Variants in SLAIN1 observed in about 807,000 individuals in gnomAD.
The protein encoded by SLAIN1 is SLAIN motif-containing protein 1.
Under a neutral mutation model 55.4 loss-of-function variants are expected in SLAIN1, and 17 were observed. That is an observed-to-expected ratio of 0.31 (90% CI 0.21 to 0.46). The LOEUF (loss-of-function observed/expected upper bound fraction) is 0.46. Ranked by LOEUF, SLAIN1 falls within the 20% of genes least tolerant of loss-of-function variation. SLAIN1 has a pLI of 1.00. For missense variants in SLAIN1, 682 were observed against 785.1 expected (o/e 0.87, Z 1.57); for synonymous variants, 348 against 337.4 (o/e 1.03, Z -0.35).
intron 5 of SLAIN1, among the ~76,000 whole-genome samples, chr13:77,757,593 C>T (rs1406411249): frequency 2.0e-5 from 3 of 152,044 alleles, no homozygotes; most frequent in Admixed American, 1.3e-4. Context: ...CCCTCCCAGA[C>T]TTCCCCACAA....
At chr13:77,736,079 T>C (rs1873102454) in intron 2 of SLAIN1, among the ~76,000 whole-genome samples, 1 of 152,062 alleles carries the variant, frequency 6.6e-6, no homozygotes, top group South Asian at 2.1e-4. Flanking sequence ...CAATCTCAGC[T>C]CTTGTGTTGA....
chr13:77,703,198 AC>A (rs1211098624), intron 1 of SLAIN1, among the ~76,000 whole-genome samples: 1 of 152,172 alleles, frequency 6.6e-6, no homozygotes, highest in African/African-American at 2.4e-5. Flanking sequence ...ACTGGGAAAG[AC>A]AATGGAAAAG....
At chr13:77,741,791 T>A (rs1873463918) in intron 2 of SLAIN1, among the ~76,000 whole-genome samples, 1 of 151,802 alleles carries the variant, frequency 6.6e-6, no homozygotes. Flanking sequence ...AAAGCACTTT[T>A]CAGCTGTCTG....
chr13:77,743,208 A>T (rs1354102664), intron 2 of SLAIN1: 30 of 1,268,092 alleles, frequency 2.4e-5, no homozygotes, highest in Non-Finnish European at 3.0e-5. Flanking sequence ...TTTGTAATTC[A>T]GTTACTAAAC....
intron 1 of SLAIN1, among the ~76,000 whole-genome samples, chr13:77,714,648 C>T (rs551876403): frequency 6.6e-6 from 1 of 152,172 alleles, no homozygotes; most frequent in East Asian, 1.9e-4. Context: ...GCAGTGATTC[C>T]TTATCTTGTG....
chr13:77,726,165 G>T (rs2091305764), intron 2 of SLAIN1, among the ~76,000 whole-genome samples: 2 of 151,236 alleles, frequency 1.3e-5, no homozygotes, highest in South Asian at 4.2e-4. Flanking sequence ...TCTGCAGAAA[G>T]TTTTTTTTTC....
chr13:77,749,917 T>G (rs933239798), intron 4 of SLAIN1, among the ~76,000 whole-genome samples: 2 of 152,150 alleles, frequency 1.3e-5, no homozygotes, highest in African/African-American at 2.4e-5. Flanking sequence ...AAAGATTGGT[T>G]TTAAAGACTA....
chr13:77,717,171 A>G (rs1442897220), intron 1 of SLAIN1, among the ~76,000 whole-genome samples: 3 of 152,160 alleles, frequency 2.0e-5, no homozygotes, highest in Admixed American at 2.0e-4. Context: ...TATTTCTGAT[A>G]TAAACCCCAC....
intron 2 of SLAIN1, among the ~76,000 whole-genome samples, chr13:77,731,161 A>G (rs1001207114): frequency 6.6e-6 from 1 of 152,100 alleles, no homozygotes; most frequent in African/African-American, 2.4e-5. Context: ...AAGATAGATG[A>G]AAAAAAGCCA....
Position 77,698,403 on chromosome 13 carries a change from C to A in SLAIN1, c.490C>A (p.Pro164Thr). 1 of 1,407,460 alleles carries A rather than the reference C, an allele frequency of 7.1e-7. No homozygotes were observed. 87.2% of individuals were successfully genotyped at this position (1,407,460 alleles called of 1,614,324 possible). A position where few individuals can be genotyped will look rare whatever the true frequency, so the allele number is the denominator to read the frequency against. The change falls in exon 1 of 7, where the codon CCG becomes ACG. Residue 164 changes from proline (P) to threonine (T), a missense_variant. By Grantham distance (38) the Pro-to-Thr change is conservative. This residue lies in a region of SLAIN1 where 401 missense variants were observed against 417.3 expected (regional missense o/e 0.96). Transcript: ENST00000418532. The surrounding 1 kb of genome is among the most constrained non-coding windows in gnomAD (Gnocchi z 4.1). The stretch of plus-strand genomic sequence containing the variant: ...CTTCTTCGGCGCGGGCGGTGGCGGG[C>A]CGGAGCCGGGGGGCGCGGGGACGCC... ...AGFFGAGGGG[P>T]EPGGAGTPPG... is the part of the protein sequence containing the mutation.
rs2090990177 is a variant in SLAIN1 at position 77,697,949 on chromosome 13, G to A, written c.36G>A (p.Gly12=). 4 of 1,440,276 alleles carry A rather than the reference G, an allele frequency of 2.8e-6. No individual in the cohort carries two copies. The highest frequency in any genetic ancestry group is 1.5e-5 in the African/African-American group (1 of 66,746). 89.2% of individuals were successfully genotyped at this position (1,440,276 alleles called of 1,614,324 possible). A position where few individuals can be genotyped will look rare whatever the true frequency, so the allele number is the denominator to read the frequency against. The stretch of plus-strand genomic sequence containing the variant: ...AGCAGGTGAAATGCGCCTCGGCAGG[G>A]GTCAGCTCTGGAGCGGGCTCCGGGC... ...MAEQVKCASA[G]VSSGAGSGPV... is the part of the protein sequence containing the mutation. Residue 12 remains glycine (G), a synonymous_variant, in exon 1 of 7, where the codon GGG becomes GGA. Transcript: ENST00000418532.
chr13:77,759,802 G>C (rs189753828), intron 5 of SLAIN1, among the ~76,000 whole-genome samples: 2 of 152,130 alleles, frequency 1.3e-5, no homozygotes, highest in African/African-American at 4.8e-5. Context: ...GCTTGATCAT[G>C]ATGTGTTATC....
Position 77,746,518 on chromosome 13 carries a change from C to T in SLAIN1, c.921C>T (p.Leu307=), listed in dbSNP as rs376535190. ...GTACTATTTGTTATTTTATAGGTCTCAGGCAAGATTATGCTTCTACTTCAG... is the reference window on the plus strand; with the variant it reads ...GTACTATTTGTTATTTTATAGGTCTTAGGCAAGATTATGCTTCTACTTCAG... ...QIMARLQEES[L]RQDYASTSAS... is the part of the protein sequence containing the mutation. Residue 307 remains leucine (L), a synonymous_variant, in exon 4 of 7, where the codon CTC becomes CTT. Transcript: ENST00000418532. The T allele has an allele frequency of 5.6e-6, 9 of 1,600,968 alleles. No homozygotes were observed. Among genetic ancestry groups the T allele is most frequent in the Non-Finnish European group, 7.7e-6 (9 of 1,170,526 alleles).
chr13:77,718,673 T>C (rs2091231494), intron 1 of SLAIN1, among the ~76,000 whole-genome samples: 1 of 152,294 alleles, frequency 6.6e-6, no homozygotes, highest in South Asian at 2.1e-4. Flanking sequence ...TTGTAATTAA[T>C]GTAAGCTTAT....
chr13:77,727,382 GA>G (rs1231093957), intron 2 of SLAIN1, among the ~76,000 whole-genome samples: 7 of 150,152 alleles, frequency 4.7e-5, no homozygotes, highest in Non-Finnish European at 7.4e-5. Flanking sequence ...TTTAAGTACT[GA>G]ATTTTTTTTG....
intron 5 of SLAIN1, among the ~76,000 whole-genome samples, chr13:77,758,764 T>C (rs1159477997): frequency 6.6e-6 from 1 of 152,196 alleles, no homozygotes; most frequent in Non-Finnish European, 1.5e-5. Flanking sequence ...CTGGGTTCTC[T>C]ATTCTGTTCA....
Position 77,746,754 on chromosome 13 carries a change from G to T in SLAIN1, c.1157G>T (p.Ser386Ile). 1 of 1,613,834 alleles carries T rather than the reference G, an allele frequency of 6.2e-7. No individual in the cohort carries two copies. Among genetic ancestry groups the T allele is most frequent in the African/African-American group, 1.3e-5 (1 of 75,002 alleles). The stretch of plus-strand genomic sequence containing the variant: ...TCCAGCATTCGGGAGTGTAGGAGGA[G>T]CCCCAGTTCCCAGTATTTTCCTTCA... Reference protein sequence around the residue: ...TFSSIRECRRSPSSQYFPSNN... With the variant: ...TFSSIRECRRIPSSQYFPSNN... The change falls in exon 4 of 7, where the codon AGC (serine) becomes ATC (isoleucine). Residue 386 changes from serine to isoleucine, a missense_variant. Around this residue, in one of 3 missense-constraint regions of SLAIN1, gnomAD observed 244 missense variants for 295.2 expected, o/e 0.83. Transcript: ENST00000418532.
intron 2 of SLAIN1, among the ~76,000 whole-genome samples, chr13:77,722,015 A>G (rs2091267295): frequency 6.7e-6 from 1 of 150,192 alleles, no homozygotes; most frequent in African/African-American, 2.5e-5. Context: ...TCTTTTCTAA[A>G]AAGTAATCCT....
chr13:77,727,278 G>A (rs943346499), intron 2 of SLAIN1, among the ~76,000 whole-genome samples: 4 of 152,026 alleles, frequency 2.6e-5, no homozygotes, highest in Non-Finnish European at 5.9e-5. Flanking sequence ...TAATGTATGT[G>A]ACTTTTTCCA....
Sources: allele counts gnomAD v4.1 joint callset (sites outside exome capture counted in the v4.1 genomes callset), GRCh38; gene constraint gnomAD v4.1.1; regional missense constraint gnomAD v4.1.1; non-coding constraint Gnocchi (gnomAD v3.1); transcripts MANE v1.5; gene names NCBI Gene and HGNC (gene_info 2026-07-23, HGNC 2026-07-21).